WDR48: variants seen among roughly 807,000 people sequenced by gnomAD.
WDR48 encodes WD repeat-containing protein 48.
Under a neutral mutation model 94.0 loss-of-function variants are expected in WDR48, and 22 were observed. The observed-to-expected ratio is 0.23, with a 90% CI of 0.17 to 0.33. The LOEUF is 0.33. WDR48 is among the 10% of genes least tolerant of loss of function. The pLI, the probability that WDR48 is intolerant of heterozygous loss-of-function variation, is 1.00. For synonymous variants in WDR48, 278 were observed against 280.5 expected (o/e 0.99, Z 0.09); for missense variants, 541 against 813.8 (o/e 0.66, Z 4.08).
intron 1 of WDR48, among the ~76,000 whole-genome samples, chr3:39,057,687 G>A (rs925794448): frequency 7.9e-5 from 12 of 151,980 alleles, no homozygotes; most frequent in Non-Finnish European, 1.0e-4. Context: ...CAGTGGCACC[G>A]TCATGGCTCA....
At chr3:39,080,015 CT>C (rs35564611) in intron 11 of WDR48, among the ~76,000 whole-genome samples, 16,100 of 151,894 alleles carry the variant, frequency 0.11, 899 homozygotes, top group Admixed American at 0.14. Flanking sequence ...ATCATTTTCT[CT>C]GGTTAGTGTA....
rs34102329 is a variant in WDR48 at position 39,085,226 on chromosome 3, C to CAA, written c.1379-276_1379-275dup. Among the ~76,000 whole-genome samples, 418 of 139,426 alleles carry CAA rather than the reference C, an allele frequency of 3.0e-3. 3 individuals carry two copies. Among genetic ancestry groups the CAA allele is most frequent in the African/African-American group, 0.01 (394 of 39,078 alleles). 91.5% of individuals were successfully genotyped at this position (139,426 alleles called of 152,430 possible). A position where few individuals can be genotyped will look rare whatever the true frequency, so the allele number is the denominator to read the frequency against. The stretch of plus-strand genomic sequence containing the variant: ...TGGGTGACAGAGCGAGACTCTATCT[C>CAA]AAAAAAAAAAAAAATCTGATTCTCA... On this transcript the variant is annotated intron_variant, in intron 13 of 18. Coordinates refer to ENST00000302313, the MANE Select transcript of WDR48 (RefSeq NM_020839.4).
At chr3:39,086,996 T>TA (rs1273976699) in intron 14 of WDR48, among the ~76,000 whole-genome samples, 1 of 152,090 alleles carries the variant, frequency 6.6e-6, no homozygotes. Flanking sequence ...CAGGGGCCCT[T>TA]ACCAAGTTTC....
chr3:39,065,888 A>G lies in WDR48; in HGVS notation c.267A>G (p.Thr89=), dbSNP rs1376139867. ...TTGTACTCTGTTGTAATGGGAAAAC[A>G]TGTAAGTATTTCTTTGGATTATTAT... ...NDIVLCCNGK[T]LISASSDTTV... The change falls in exon 3 of 19, where the codon ACA becomes ACG. Residue 89 remains threonine, a splice_region_variant and synonymous_variant. Transcript: ENST00000302313. 6 of 1,580,580 alleles carry G rather than the reference A, an allele frequency of 3.8e-6. No homozygotes were observed. The highest frequency in any genetic ancestry group is 2.8e-5 in the African/African-American group (2 of 72,598).
At chr3:39,081,493 G>C (rs1480132526) in intron 11 of WDR48, among the ~76,000 whole-genome samples, 1 of 152,170 alleles carries the variant, frequency 6.6e-6, no homozygotes, top group East Asian at 1.9e-4. Flanking sequence ...CTCTACAATA[G>C]AGAGATGCCT....
chr3:39,052,163 G>C, intron 1 of WDR48, 90 bp downstream of exon 1: 1 of 1,539,468 alleles, frequency 6.5e-7, no homozygotes. Context: ...ACGACCAGCT[G>C]GGGTAGCGGC....
chr3:39,083,282 T>C (rs2034630996), intron 11 of WDR48, among the ~76,000 whole-genome samples: 1 of 152,100 alleles, frequency 6.6e-6, no homozygotes, highest in South Asian at 2.1e-4. Flanking sequence ...AGAGAAGATG[T>C]AGGAGTCAGA....
chr3:39,067,016 C>A, intron 5 of WDR48, 141 bp downstream of exon 5: 3 of 961,744 alleles, frequency 3.1e-6, no homozygotes, highest in East Asian at 2.6e-5. Context: ...CGTTCTGGCC[C>A]CCAAGAGTAT....
At chr3:39,089,098 T>G in intron 15 of WDR48, 133 bp from the exon 16 acceptor site, 1 of 739,816 alleles carries the variant, frequency 1.4e-6, no homozygotes, top group South Asian at 2.1e-5. Flanking sequence ...AGGCTGTACT[T>G]TTATTTCCTC....
rs1245362853 is a variant in WDR48 at position 39,095,677 on chromosome 3, TATTC to T, written c.*937_*940del. On this transcript the variant is annotated 3_prime_UTR_variant, in exon 19 of 19. Coordinates refer to ENST00000302313, the MANE Select transcript of WDR48 (RefSeq NM_020839.4). Reference sequence around the variant, plus strand: ...GGGAGATCATAGTGAGTTAATTTGATATTCATATCCTGGAAGTATACATATTTGT... The same window carrying T: ...GGGAGATCATAGTGAGTTAATTTGATATATCCTGGAAGTATACATATTTGT... 1.3e-5 allele frequency: 2 copies of T among 152,356 alleles called. No homozygotes were observed. The highest frequency in any genetic ancestry group is 4.8e-5 in the African/African-American group (2 of 41,468). 9.4% of individuals were successfully genotyped at this position (152,356 alleles called of 1,614,324 possible). A position where few individuals can be genotyped will look rare whatever the true frequency, so the allele number is the denominator to read the frequency against.
At chr3:39,055,201 T>C (rs1252313813) in intron 1 of WDR48, among the ~76,000 whole-genome samples, 1 of 152,126 alleles carries the variant, frequency 6.6e-6, no homozygotes, top group Non-Finnish European at 1.5e-5. Flanking sequence ...AAATAATCAG[T>C]GGAGGCCAGG....
At chr3:39,083,261 CG>C (rs2125674746) in intron 11 of WDR48, among the ~76,000 whole-genome samples, 1 of 152,206 alleles carries the variant, frequency 6.6e-6, no homozygotes, top group Admixed American at 6.5e-5. Flanking sequence ...AGGCAGGAAG[CG>C]GCGGAAACTA....
chr3:39,059,222 G>A (rs2033105551), intron 1 of WDR48, among the ~76,000 whole-genome samples: 1 of 152,212 alleles, frequency 6.6e-6, no homozygotes, highest in South Asian at 2.1e-4. Context: ...GAGTAAGGGT[G>A]AGTTAGACAA....
intron 1 of WDR48, among the ~76,000 whole-genome samples, chr3:39,055,167 C>T (rs901902097): frequency 6.6e-6 from 1 of 152,168 alleles, no homozygotes; most frequent in Non-Finnish European, 1.5e-5. Context: ...CCAAGACAAA[C>T]CCTTGAGACT....
At chr3:39,065,918 C>A (rs371181463) in intron 3 of WDR48, 29 bp downstream of exon 3, 2 of 1,516,228 alleles carry the variant, frequency 1.3e-6, no homozygotes. Flanking sequence ...TATTATTGGG[C>A]TTCTGATATA....
intron 2 of WDR48, among the ~76,000 whole-genome samples, chr3:39,065,211 A>C (rs191776688): frequency 5.1e-4 from 77 of 152,342 alleles, no homozygotes; most frequent in Non-Finnish European, 1.0e-3. Flanking sequence ...CACCTAATTG[A>C]AATGGTGACA....
chr3:39,082,111 G>A (rs555077142), intron 11 of WDR48, among the ~76,000 whole-genome samples: 338 of 152,220 alleles, frequency 2.2e-3, no homozygotes, highest in Non-Finnish European at 4.0e-3. Context: ...AATGTCGGGG[G>A]TGCCTATTAT....
At chr3:39,053,020 A>G (rs940834197) in intron 1 of WDR48, among the ~76,000 whole-genome samples, 2 of 152,346 alleles carry the variant, frequency 1.3e-5, no homozygotes, top group African/African-American at 4.8e-5. Context: ...TTAAAGTATA[A>G]TAATAATATT....
At chr3:39,063,326 C>A in intron 2 of WDR48, 136 bp downstream of exon 2, 2 of 1,129,370 alleles carry the variant, frequency 1.8e-6, no homozygotes, top group Non-Finnish European at 2.4e-6. Flanking sequence ...AAAGACATCG[C>A]AACCAGAATT....
Sources: gnomAD v4.1 joint callset for allele counts (sites outside exome capture counted in the v4.1 genomes callset) on GRCh38, gnomAD v4.1.1 for gene constraint, MANE v1.5 for transcripts, NCBI Gene and HGNC (gene_info 2026-07-23, HGNC 2026-07-21) for gene names.